Variants in RP1L1 observed in about 807,000 individuals in gnomAD.
RP1L1 encodes RP1 like 1, also known as retinitis pigmentosa 1-like 1 protein.
In RP1L1, 27 loss-of-function variants were observed where a neutral mutation model predicts 15.7. That is an observed-to-expected ratio of 1.72 (90% CI 1.27 to 2.38). The LOEUF (loss-of-function observed/expected upper bound fraction) is 2.38, where lower values mean the gene tolerates loss of function less well. Ranked by LOEUF, RP1L1 falls within the 30% of genes most tolerant of loss-of-function variation. The pLI is 0.00. For missense variants in RP1L1, 4,798 were observed against 3,075.9 expected (o/e 1.56, Z -13.24); for synonymous variants, 1,813 against 1,276.7 (o/e 1.42, Z -8.96).
chr8:10,628,714 G>A (rs531297668), intron 1 of RP1L1, among the ~76,000 whole-genome samples: 137 of 152,306 alleles, frequency 9.0e-4, no homozygotes, highest in Admixed American at 1.3e-3. Context: ...GATAGTTCCC[G>A]TTCTGTCTGG....
intron 1 of RP1L1, among the ~76,000 whole-genome samples, chr8:10,631,397 GCA>G (rs1482522901): frequency 3.3e-5 from 4 of 122,756 alleles, no homozygotes; most frequent in Admixed American, 1.5e-4. Flanking sequence ...GCACACACAC[GCA>G]CACACACGCA....
In RP1L1 at chr8:10,609,537, C is replaced by T. The variant is rs201363135; in HGVS notation, c.4561G>A (p.Val1521Met). The change falls in exon 4 of 4, where the codon GTG (valine) becomes ATG (methionine). Residue 1521 changes from valine (V) to methionine (M), a missense_variant. Coordinates refer to ENST00000382483, the MANE Select transcript of RP1L1 (RefSeq NM_178857.6). ...ALDCDPIWVS[V>M]LLKKTEKAFL... ...GCCTTCTCCGTCTTCTTCAGTAACA[C>T]GGACACCCAGATGGGGTCGCAGTCC... 3.6e-5 allele frequency: 58 copies of T among 1,606,504 alleles called. 1 individual carries two copies. In the African/African-American group the frequency reaches 4.3e-4, roughly 12 times the overall value.
intron 1 of RP1L1, among the ~76,000 whole-genome samples, chr8:10,628,961 G>T (rs1285983656): frequency 6.6e-6 from 1 of 152,252 alleles, no homozygotes. Context: ...CAAGCGGGAT[G>T]TGCAGCCTCG....
chr8:10,630,513 A>G (rs1296742275), intron 1 of RP1L1, among the ~76,000 whole-genome samples: 1 of 152,228 alleles, frequency 6.6e-6, no homozygotes, highest in African/African-American at 2.4e-5. Flanking sequence ...GGTTGAAAGA[A>G]AATGTCAAGA....
rs201076580 is a variant in RP1L1 at position 10,609,626 on chromosome 8, G to C, written c.4472C>G (p.Thr1491Arg). Residue 1491 changes from threonine to arginine, a missense_variant, in exon 4 of 4, where the codon ACG (threonine) becomes AGG (arginine). Thr to Arg is a moderately conservative substitution (Grantham distance 71). Transcript: ENST00000382483. The part of the protein sequence containing the change: ...PGATMMGQEH[T>R]QAQPTQGAAE... ...AGCCCCCTGGGTGGGTTGGGCCTGC[G>C]TGTGCTCTTGGCCCATCATGGTGGC... 6.2e-6 allele frequency: 10 copies of C among 1,607,912 alleles called. No individual in the cohort carries two copies. Among genetic ancestry groups the C allele is most frequent in the Non-Finnish European group, 7.6e-6 (9 of 1,179,962 alleles).
Position 10,634,387 on chromosome 8 carries a change from G to T in RP1L1, c.-19-11167C>A, listed in dbSNP as rs559427818. ...ATGAGCCCCACCCTCCAGGACAACC[G>T]CATGGTCATCATCAGCATCTGTGAG... On this transcript the variant is annotated intron_variant, in intron 1 of 3. Transcript: ENST00000382483. 2.0e-5 allele frequency among the ~76,000 whole-genome samples: 3 copies of T among 152,252 alleles called. No individual in the cohort carries two copies. The South Asian group carries it at 6.2e-4, about 32-fold the overall frequency.
chr8:10,639,039 G>A (rs1798370549), intron 1 of RP1L1, among the ~76,000 whole-genome samples: 2 of 152,012 alleles, frequency 1.3e-5, no homozygotes, highest in African/African-American at 2.4e-5. Flanking sequence ...CAGCTACTTG[G>A]GAGGCTGAGG....
rs1047494056 is a variant in RP1L1, at chr8:10,607,237, A to T, written c.6861T>A (p.Thr2287=). ...TTTGGGAGCCTGGCCTTTGGTGGGG[A>T]GTGTCTCCACCTGGGGAAGGGGGTG... is the stretch of plus-strand genomic sequence containing the variant. ...PTPPPSPGGD[T]PHQRPGSQTG... The change falls in exon 4 of 4, where the codon ACT becomes ACA. Residue 2287 remains threonine (T), a synonymous_variant. Coordinates refer to ENST00000382483, the MANE Select transcript of RP1L1 (RefSeq NM_178857.6). 7 of 1,613,938 alleles carry T rather than the reference A, an allele frequency of 4.3e-6. No individual in the cohort carries two copies. In the African/African-American group the frequency reaches 8.0e-5, roughly 18 times the overall value.
intron 1 of RP1L1, among the ~76,000 whole-genome samples, chr8:10,627,704 A>C (rs1476073737): frequency 2.0e-5 from 3 of 152,174 alleles, no homozygotes; most frequent in African/African-American, 7.2e-5. Flanking sequence ...ACCCTTTAAG[A>C]AGGTAATTAC....
chr8:10,630,201 C>T (rs1043943204), intron 1 of RP1L1, among the ~76,000 whole-genome samples: 1 of 152,188 alleles, frequency 6.6e-6, no homozygotes, highest in Non-Finnish European at 1.5e-5. Context: ...GAGGGGGGAG[C>T]AGACCCCATC....
At chr8:10,638,829 C>G (rs1057053192) in intron 1 of RP1L1, among the ~76,000 whole-genome samples, 1 of 152,134 alleles carries the variant, frequency 6.6e-6, no homozygotes, top group Non-Finnish European at 1.5e-5. Context: ...GACCCACGTT[C>G]TTGCCTCTGC....
Position 10,607,305 on chromosome 8 carries a change from C to T in RP1L1, c.6793G>A (p.Ala2265Thr). The change falls in exon 4 of 4, where the codon GCT (alanine) becomes ACT (threonine). Residue 2265 changes from alanine (A) to threonine (T), a missense_variant. Physicochemically the swap from Ala to Thr is moderately conservative, Grantham distance 58. Coordinates refer to ENST00000382483, the MANE Select transcript of RP1L1 (RefSeq NM_178857.6). ...VSLGDGQSEE[A>T]SESSSPVPED... The stretch of plus-strand genomic sequence containing the variant: ...GGGACTGGGCTGCTGCTTTCAGAAG[C>T]CTCCTCAGATTGGCCATCTCCTAGA... 1 of 1,614,222 alleles carries T rather than the reference C, an allele frequency of 6.2e-7. No homozygotes were observed. Among genetic ancestry groups the T allele is most frequent in the South Asian group, 1.1e-5 (1 of 91,080 alleles).
chr8:10,627,225 A>G (rs1180351142), intron 1 of RP1L1, among the ~76,000 whole-genome samples: 1 of 152,196 alleles, frequency 6.6e-6, no homozygotes, highest in Non-Finnish European at 1.5e-5. Context: ...AAAGGGTAGA[A>G]ACAACCCAAA....
intron 1 of RP1L1, among the ~76,000 whole-genome samples, chr8:10,626,302 C>T (rs760123608): frequency 2.6e-5 from 4 of 152,084 alleles, no homozygotes; most frequent in Non-Finnish European, 5.9e-5. Context: ...AAGCTAGGCC[C>T]CAGAGGGCTG....
intron 1 of RP1L1, among the ~76,000 whole-genome samples, chr8:10,628,255 G>A (rs1798187967): frequency 6.6e-6 from 1 of 152,186 alleles, no homozygotes; most frequent in South Asian, 2.1e-4. Context: ...GTTAGCACAT[G>A]AGGCTGTGCT....
chr8:10,645,732 G>A (rs146137220), intron 1 of RP1L1, among the ~76,000 whole-genome samples: 440 of 152,208 alleles, frequency 2.9e-3, no homozygotes, highest in Admixed American at 5.1e-3. Flanking sequence ...CCAAGCAAAC[G>A]GACACCTGCG....
intron 1 of RP1L1, among the ~76,000 whole-genome samples, chr8:10,640,391 G>A (rs1193782438): frequency 6.6e-6 from 1 of 152,134 alleles, no homozygotes; most frequent in Non-Finnish European, 1.5e-5. Context: ...TAGGCGTGAT[G>A]GCTCATTCCT....
At chr8:10,613,701 G>A (rs1309381912) in intron 3 of RP1L1, among the ~76,000 whole-genome samples, 1 of 151,894 alleles carries the variant, frequency 6.6e-6, no homozygotes, top group Non-Finnish European at 1.5e-5. Flanking sequence ...GGCTGAGGCA[G>A]GAGAATCCCC....
intron 1 of RP1L1, among the ~76,000 whole-genome samples, chr8:10,625,974 G>A (rs1325337806): frequency 2.0e-5 from 3 of 152,026 alleles, no homozygotes; most frequent in Non-Finnish European, 1.5e-5. Context: ...AAGCAGGGAA[G>A]GAAAGCAGAG....
Sources: allele counts gnomAD v4.1 joint callset (sites outside exome capture counted in the v4.1 genomes callset), GRCh38; gene constraint gnomAD v4.1.1; transcripts MANE v1.5; gene names NCBI Gene and HGNC (gene_info 2026-07-23, HGNC 2026-07-21).